Variants in COP1 observed in about 807,000 individuals in gnomAD.
The protein encoded by COP1 is COP1 E3 ubiquitin ligase.
Under a neutral mutation model 101.3 loss-of-function variants are expected in COP1, and 24 were observed. That is an observed-to-expected ratio of 0.24 (90% CI 0.17 to 0.33). COP1 has a LOEUF of 0.33. COP1 is among the 10% of genes least tolerant of loss of function. COP1 has a pLI of 1.00. For missense variants in COP1, 663 were observed against 906.2 expected, an observed-to-expected ratio of 0.73 and a Z score of 3.45; for synonymous variants, 347 against 341.9, an observed-to-expected ratio of 1.01 and a Z score of -0.17.
intron 18 of COP1, among the ~76,000 whole-genome samples, chr1:175,960,265 G>C (rs557580108): frequency 9.3e-4 from 141 of 152,258 alleles, no homozygotes; most frequent in Non-Finnish European, 1.2e-3. Context: ...TCAATTCAAA[G>C]CTCTAACGCT....
intron 14 of COP1, among the ~76,000 whole-genome samples, chr1:176,033,809 T>G (rs1039885787): frequency 6.6e-6 from 1 of 152,130 alleles, no homozygotes; most frequent in Non-Finnish European, 1.5e-5. Flanking sequence ...AATAGCTGTT[T>G]AAAAAATTCC....
chr1:176,128,381 G>T (rs1355093538), intron 8 of COP1, among the ~76,000 whole-genome samples: 2 of 151,900 alleles, frequency 1.3e-5, no homozygotes, highest in Non-Finnish European at 2.9e-5. Flanking sequence ...TGCTTCCTGT[G>T]TTTTGTGTTT....
At chr1:175,986,520 G>C (rs1340536933) in intron 18 of COP1, among the ~76,000 whole-genome samples, 2 of 151,228 alleles carry the variant, frequency 1.3e-5, no homozygotes, top group Non-Finnish European at 3.0e-5. Flanking sequence ...GGACCATATA[G>C]GCCACTATCC....
intron 3 of COP1, among the ~76,000 whole-genome samples, chr1:176,173,888 T>C (rs553455513): frequency 7.1e-6 from 1 of 141,080 alleles, no homozygotes; most frequent in South Asian, 2.2e-4. Flanking sequence ...CCAGAGAGAC[T>C]GCGGCAGGAG....
At position 175,986,176 on chromosome 1, in the gene COP1, C is replaced by T. The variant is rs541724343; in HGVS notation, c.2133+767G>A. On this transcript the variant is annotated intron_variant, in intron 18 of 19. Coordinates refer to ENST00000367669, the MANE Select transcript of COP1 (RefSeq NM_022457.7). ...CTGGGACTACAGTCACCCGCCACCACGCCTGGCTAATTTTTTGTATTTTTA... is the reference window on the plus strand; with the variant it reads ...CTGGGACTACAGTCACCCGCCACCATGCCTGGCTAATTTTTTGTATTTTTA... Among the ~76,000 whole-genome samples, 199 of 152,098 alleles carry T rather than the reference C, an allele frequency of 1.3e-3. 3 individuals are homozygous for T. Among genetic ancestry groups the T allele is most frequent in the Admixed American group, 0.011 (171 of 15,264 alleles).
chr1:176,197,976 CA>C (rs1699874881), intron 1 of COP1, among the ~76,000 whole-genome samples: 1 of 152,016 alleles, frequency 6.6e-6, no homozygotes, highest in African/African-American at 2.4e-5. Context: ...AACTGAAAAG[CA>C]TAAACACTGC....
At chr1:176,187,325 CATATACACATATATACACACATAT>C (rs1210635665) in intron 1 of COP1, among the ~76,000 whole-genome samples, 2 of 152,070 alleles carry the variant, frequency 1.3e-5, no homozygotes, top group East Asian at 1.9e-4. Flanking sequence ...TATACACACA[CATATACACATATATACACACATAT>C]ATATACACAT....
At chr1:175,988,156 C>A (rs1054444436) in intron 17 of COP1, 132 bp downstream of exon 17, 1 of 753,298 alleles carries the variant, frequency 1.3e-6, no homozygotes, top group Non-Finnish European at 2.1e-6. Context: ...AGTGCTGGGG[C>A]ATCATGTCTA....
At chr1:176,021,040 C>G (rs1666679121) in intron 15 of COP1, among the ~76,000 whole-genome samples, 1 of 152,124 alleles carries the variant, frequency 6.6e-6, no homozygotes, top group Admixed American at 6.5e-5. Context: ...GTGGCACAAT[C>G]ACAGCTCACT....
At chr1:176,184,458 G>A (rs1034184625) in intron 2 of COP1, among the ~76,000 whole-genome samples, 175 bp downstream of exon 2, 2 of 151,930 alleles carry the variant, frequency 1.3e-5, no homozygotes, top group Non-Finnish European at 2.9e-5. Context: ...GAAATTATGC[G>A]CCAGCCATTA....
At chr1:176,170,892 G>A (rs562048011) in intron 3 of COP1, among the ~76,000 whole-genome samples, 14 of 152,190 alleles carry the variant, frequency 9.2e-5, no homozygotes, top group South Asian at 6.2e-4. Flanking sequence ...TTGGGAGGCC[G>A]AGACTGGTGG....
chr1:176,095,900 C>T (rs1682268481), intron 9 of COP1, among the ~76,000 whole-genome samples: 1 of 152,086 alleles, frequency 6.6e-6, no homozygotes, highest in African/African-American at 2.4e-5. Flanking sequence ...CTTAAGGATG[C>T]CCTTAACAAG....
chr1:175,998,097 G>A (rs1430960578), intron 15 of COP1, among the ~76,000 whole-genome samples: 12 of 110,328 alleles, frequency 1.1e-4, no homozygotes, highest in Non-Finnish European at 1.7e-4. Flanking sequence ...AAAAGAAAAT[G>A]TGGCACATAT....
chr1:176,002,346 T>TTTTA (rs199725452), intron 15 of COP1, among the ~76,000 whole-genome samples: 9 of 152,024 alleles, frequency 5.9e-5, no homozygotes, highest in Admixed American at 2.6e-4. Context: ...CTTTTTTAGT[T>TTTTA]TTTATTTATT....
chr1:175,988,662 G>A (rs902255907), intron 16 of COP1: 8 of 324,688 alleles, frequency 2.5e-5, no homozygotes, highest in Non-Finnish European at 2.8e-5. Context: ...GCAAAACACC[G>A]TCTCTACTAA....
At chr1:176,138,684 C>A (rs919168557) in intron 6 of COP1, among the ~76,000 whole-genome samples, 26 of 152,104 alleles carry the variant, frequency 1.7e-4, no homozygotes, top group Non-Finnish European at 1.9e-4. Flanking sequence ...AACAATTAGT[C>A]TTCCACCCTA....
intron 9 of COP1, among the ~76,000 whole-genome samples, chr1:176,111,595 T>G (rs1685305246): frequency 1.3e-5 from 2 of 152,214 alleles, no homozygotes; most frequent in Non-Finnish European, 2.9e-5. Flanking sequence ...ACCCAGCCCC[T>G]AAGTATTTAA....
chr1:176,029,926 A>C (rs1403663693), intron 14 of COP1, among the ~76,000 whole-genome samples: 2 of 152,170 alleles, frequency 1.3e-5, no homozygotes, highest in Admixed American at 1.3e-4. Flanking sequence ...AAGACCCTCA[A>C]TATTAAAATA....
chr1:176,022,131 C>G (rs1334973075), intron 15 of COP1, among the ~76,000 whole-genome samples: 2 of 152,158 alleles, frequency 1.3e-5, no homozygotes, highest in African/African-American at 2.4e-5. Flanking sequence ...CCTTTGATAA[C>G]TATATTGGGA....
Sources: allele counts gnomAD v4.1 joint callset (sites outside exome capture counted in the v4.1 genomes callset), GRCh38; gene constraint gnomAD v4.1.1; transcripts MANE v1.5; gene names NCBI Gene and HGNC (gene_info 2026-07-23, HGNC 2026-07-21).